The following TRAF3 variants were observed in gnomAD, a reference collection of about 807,000 sequenced individuals.
The protein encoded by TRAF3 is TNF receptor associated factor 3.
In TRAF3, 13 loss-of-function variants were observed where a neutral mutation model predicts 62.3. The observed-to-expected ratio is 0.21, with a 90% CI of 0.14 to 0.33. TRAF3 has a LOEUF of 0.33. TRAF3 is among the 10% of genes least tolerant of loss of function. TRAF3 has a pLI of 1.00. For synonymous variants in TRAF3, 269 were observed against 283.4 expected, an observed-to-expected ratio of 0.95 and a Z score of 0.51; for missense variants, 440 against 741.8, an observed-to-expected ratio of 0.59 and a Z score of 4.73.
intron 2 of TRAF3, among the ~76,000 whole-genome samples, chr14:102,837,128 G>A (rs1342323947): frequency 1.4e-5 from 2 of 146,478 alleles, no homozygotes; most frequent in African/African-American, 2.5e-5. Context: ...TTGTGTGTGT[G>A]TGTGTGTGTG....
At chr14:102,782,994 C>T (rs1897328618) in intron 1 of TRAF3, among the ~76,000 whole-genome samples, 1 of 152,100 alleles carries the variant, frequency 6.6e-6, no homozygotes, top group Admixed American at 6.5e-5. Context: ...TGAAGGTTTC[C>T]TGAGATTAAT....
At chr14:102,861,865 C>A (rs145375117) in intron 2 of TRAF3, among the ~76,000 whole-genome samples, 1 of 152,194 alleles carries the variant, frequency 6.6e-6, no homozygotes, top group Admixed American at 6.5e-5. Flanking sequence ...AACGTTTATA[C>A]AGATCCTTTG....
chr14:102,854,926 C>A (rs1035426483), intron 2 of TRAF3, among the ~76,000 whole-genome samples: 1 of 151,640 alleles, frequency 6.6e-6, no homozygotes, highest in Non-Finnish European at 1.5e-5. Flanking sequence ...GCACCATGAT[C>A]TCTATCTGGT....
intron 2 of TRAF3, among the ~76,000 whole-genome samples, chr14:102,847,069 C>T (rs966212713): frequency 4.6e-5 from 7 of 151,952 alleles, no homozygotes; most frequent in African/African-American, 1.7e-4. Flanking sequence ...AGTGCATGTT[C>T]CATTAAAAAA....
In TRAF3 at chr14:102,906,421, A is replaced by C. The variant is rs1461428756; in HGVS notation, c.*637A>C. ...GTTCTACAAATAATTGTTACTGCAA[A>C]CATTTTATTTTAAAACGTTGATAGA... is the stretch of plus-strand genomic sequence containing the variant. On this transcript the variant is annotated 3_prime_UTR_variant, in exon 12 of 12. Coordinates refer to ENST00000392745, the MANE Select transcript of TRAF3 (RefSeq NM_145725.3). 1.3e-5 allele frequency: 2 copies of C among 152,474 alleles called. No individual in the cohort carries two copies. The highest frequency in any genetic ancestry group is 2.9e-5 in the Non-Finnish European group (2 of 68,066). The allele number at this position is 152,474 out of a possible 1,614,324, so 9.4% of individuals were successfully genotyped here. A position where few individuals can be genotyped will look rare whatever the true frequency, so the allele number is the denominator to read the frequency against.
At chr14:102,786,926 C>T (rs188805532) in intron 1 of TRAF3, among the ~76,000 whole-genome samples, 8 of 151,670 alleles carry the variant, frequency 5.3e-5, no homozygotes, top group African/African-American at 2.0e-4. Context: ...CCCAGGAGGT[C>T]GAGGCTACAG....
At chr14:102,862,048 T>A (rs900739350) in intron 2 of TRAF3, among the ~76,000 whole-genome samples, 1 of 152,252 alleles carries the variant, frequency 6.6e-6, no homozygotes, top group Non-Finnish European at 1.5e-5. Flanking sequence ...TTTTTCATTT[T>A]GATGAATGAA....
chr14:102,856,738 C>A (rs549893913), intron 2 of TRAF3, among the ~76,000 whole-genome samples: 1 of 152,230 alleles, frequency 6.6e-6, no homozygotes, highest in Non-Finnish European at 1.5e-5. Context: ...CTCCCTTTTA[C>A]AGCAGAACCC....
At chr14:102,899,910 T>C (rs1294768166) in intron 10 of TRAF3, among the ~76,000 whole-genome samples, 2 of 152,206 alleles carry the variant, frequency 1.3e-5, no homozygotes, top group African/African-American at 2.4e-5. Flanking sequence ...CCGGATGCAG[T>C]GGCTCACATC....
At position 102,903,108 on chromosome 14, in the gene TRAF3, A is replaced by G. The variant is rs779172225; in HGVS notation, c.961-147A>G. 1 of 1,078,102 alleles carries G rather than the reference A, an allele frequency of 9.3e-7. No individual in the cohort carries two copies. The highest frequency in any genetic ancestry group is 1.4e-6 in the Non-Finnish European group (1 of 712,074). The allele number at this position is 1,078,102 out of a possible 1,614,324, so 66.8% of individuals were successfully genotyped here. ...CCCAGGAGGCCTGATGCAGAGCCCCACTCCTGGAGTCAGAGCCGCGGGTGG... is the reference window on the plus strand; with the variant it reads ...CCCAGGAGGCCTGATGCAGAGCCCCGCTCCTGGAGTCAGAGCCGCGGGTGG... On this transcript the variant is annotated intron_variant, in intron 10 of 11. Transcript: ENST00000392745. The surrounding 1 kb of genome is among the most constrained non-coding windows in gnomAD (Gnocchi z 6.4).
intron 1 of TRAF3, among the ~76,000 whole-genome samples, chr14:102,828,003 ACCTGAGCCC>A: frequency 6.6e-6 from 1 of 152,340 alleles, no homozygotes; most frequent in East Asian, 1.9e-4. Flanking sequence ...CGCAGGGCGT[ACCTGAGCCC>A]GGAGAGGGGG....
At position 102,870,174 on chromosome 14, in the gene TRAF3, T is replaced by C. The variant is rs965309634; in HGVS notation, c.-17-11T>C. On this transcript the variant is annotated splice_polypyrimidine_tract_variant and intron_variant, in intron 2 of 11. Transcript: ENST00000392745. ...AGGATATGATGGCACTCTACTGTTT[T>C]TTCCCGACAGAACTCCTCTTTCCTA... The C allele has an allele frequency of 6.2e-7, 1 of 1,614,034 alleles. No homozygotes were observed. Among genetic ancestry groups the C allele is most frequent in the African/African-American group, 1.3e-5 (1 of 74,924 alleles).
At chr14:102,843,087 C>T (rs541860742) in intron 2 of TRAF3, among the ~76,000 whole-genome samples, 4 of 151,692 alleles carry the variant, frequency 2.6e-5, no homozygotes, top group African/African-American at 9.7e-5. Context: ...CCTGTAATCC[C>T]AGCTACTCAG....
intron 2 of TRAF3, among the ~76,000 whole-genome samples, chr14:102,843,901 A>G (rs1886536646): frequency 6.6e-6 from 1 of 152,264 alleles, no homozygotes. Flanking sequence ...ATGAAATGAA[A>G]AAGGTGAAAA....
At chr14:102,779,141 G>T (rs1352149471) in intron 1 of TRAF3, among the ~76,000 whole-genome samples, 1 of 152,118 alleles carries the variant, frequency 6.6e-6, no homozygotes, top group Non-Finnish European at 1.5e-5. Context: ...TTCCAGCATC[G>T]CTGGTGAAAA....
At chr14:102,882,866 A>G (rs1270309378) in intron 6 of TRAF3, among the ~76,000 whole-genome samples, 1 of 152,212 alleles carries the variant, frequency 6.6e-6, no homozygotes, top group African/African-American at 2.4e-5. Flanking sequence ...TTAAATTTAT[A>G]GGTTAGCATA....
intron 1 of TRAF3, among the ~76,000 whole-genome samples, chr14:102,785,722 C>T (rs772812019): frequency 8.5e-5 from 13 of 152,190 alleles, no homozygotes; most frequent in Non-Finnish European, 1.8e-4. Context: ...GAACCACTGT[C>T]AAGGTTTTGA....
intron 10 of TRAF3, among the ~76,000 whole-genome samples, chr14:102,899,182 G>A (rs141985728): frequency 7.2e-4 from 110 of 152,334 alleles, no homozygotes; most frequent in Admixed American, 1.6e-3. Flanking sequence ...TTTGAAAGGG[G>A]AAATTCAGTG....
intron 1 of TRAF3, among the ~76,000 whole-genome samples, chr14:102,823,051 G>A (rs1183985107): frequency 1.3e-5 from 2 of 152,014 alleles, no homozygotes; most frequent in Non-Finnish European, 2.9e-5. Context: ...GATGATTTGA[G>A]CCAATTACAG....
Sources: allele counts gnomAD v4.1 joint callset (sites outside exome capture counted in the v4.1 genomes callset), GRCh38; gene constraint gnomAD v4.1.1; non-coding constraint Gnocchi (gnomAD v3.1); transcripts MANE v1.5; gene names NCBI Gene and HGNC (gene_info 2026-07-23, HGNC 2026-07-21).